Variants in LGR6 observed in about 807,000 individuals in gnomAD.
LGR6 encodes the protein leucine-rich repeat-containing G protein-coupled receptor 6.
In LGR6, 45 loss-of-function variants were observed where a neutral mutation model predicts 69.4. The ratio of observed to expected loss-of-function variants is 0.65; its 90% confidence interval spans 0.51 to 0.83. LGR6 has a LOEUF of 0.83. LGR6 is among the 40% of genes least tolerant of loss of function. The pLI is 0.00. For synonymous variants in LGR6, 538 were observed against 555.0 expected, an observed-to-expected ratio of 0.97 and a Z score of 0.43; for missense variants, 1,108 against 1,246.7, an observed-to-expected ratio of 0.89 and a Z score of 1.68.
rs3221675 is a variant in LGR6, at chr1:202,214,990, G to GGTGTGTGTGTGT, written c.213-10413_213-10402dup. 4.3e-4 allele frequency among the ~76,000 whole-genome samples: 62 copies of GGTGTGTGTGTGT among 145,612 alleles called. 1 individual carries two copies. In the East Asian group the frequency reaches 5.4e-3, roughly 13 times the overall value. The stretch of plus-strand genomic sequence containing the variant: ...GGTAAATGGTGTTTGGGTGCACCTG[G>GGTGTGTGTGTGT]GTGTGTGTGTGTGTGTGTGTGTGTG... On this transcript the variant is annotated intron_variant, in intron 1 of 17. Coordinates refer to ENST00000367278, the MANE Select transcript of LGR6 (RefSeq NM_001017403.2).
At chr1:202,307,239 A>C (rs1263501122) in intron 13 of LGR6, 91 bp from the exon 14 acceptor site, 11 of 1,249,078 alleles carry the variant, frequency 8.8e-6, no homozygotes, top group Non-Finnish European at 1.1e-5. Flanking sequence ...GGGGCAGGTC[A>C]GATGGGGGTA....
intron 3 of LGR6, among the ~76,000 whole-genome samples, chr1:202,235,014 C>A (rs930045502): frequency 6.6e-6 from 1 of 152,218 alleles, no homozygotes; most frequent in Non-Finnish European, 1.5e-5. Flanking sequence ...GGGTTTTCCT[C>A]CTATGTCTTT....
At chr1:202,303,220 A>G (rs1034971538) in intron 9 of LGR6, 59 bp from the exon 10 acceptor site, 1 of 1,232,344 alleles carries the variant, frequency 8.1e-7, no homozygotes, top group African/African-American at 1.5e-5. Flanking sequence ...GAGAATTGAG[A>G]GTCTTGATGT....
chr1:202,306,359 G>C lies in LGR6; in HGVS notation c.1137-509G>C, dbSNP rs1441074358. Among the ~76,000 whole-genome samples, 4 of 152,186 alleles carry C rather than the reference G, an allele frequency of 2.6e-5. No individual in the cohort carries two copies. The East Asian group carries it at 7.7e-4, about 29-fold the overall frequency. On this transcript the variant is annotated intron_variant, in intron 12 of 17. Coordinates refer to ENST00000367278, the MANE Select transcript of LGR6 (RefSeq NM_001017403.2). ...GTGTCTGTACCCTGCTTCTAGGCAGGACCATGCATTTTGGGGCTGGGGCAG... is the reference window on the plus strand; with the variant it reads ...GTGTCTGTACCCTGCTTCTAGGCAGCACCATGCATTTTGGGGCTGGGGCAG...
At chr1:202,196,683 C>A (rs1658653071) in intron 1 of LGR6, among the ~76,000 whole-genome samples, 1 of 152,186 alleles carries the variant, frequency 6.6e-6, no homozygotes, top group Non-Finnish European at 1.5e-5. Context: ...GTGCCTGACA[C>A]CCGAGGGTAA....
chr1:202,281,368 T>G (rs1011221743), intron 6 of LGR6, among the ~76,000 whole-genome samples: 3 of 152,152 alleles, frequency 2.0e-5, no homozygotes, highest in African/African-American at 4.8e-5. Flanking sequence ...CATTGAGCAC[T>G]CTAGCCTTAC....
At chr1:202,203,721 G>C in intron 1 of LGR6, 1 of 1,280,166 alleles carries the variant, frequency 7.8e-7, no homozygotes, top group South Asian at 1.2e-5. Flanking sequence ...CGTAGCAGGC[G>C]GGGCACAGAG....
At chr1:202,261,827 A>T (rs923896572) in intron 4 of LGR6, among the ~76,000 whole-genome samples, 26 of 152,348 alleles carry the variant, frequency 1.7e-4, no homozygotes, top group Middle Eastern at 3.4e-3. Flanking sequence ...CATTTCTCTG[A>T]TGGCCAGTGA....
At chr1:202,276,154 G>C in intron 4 of LGR6, 152 bp from the exon 5 acceptor site, 1 of 619,006 alleles carries the variant, frequency 1.6e-6, no homozygotes, top group East Asian at 2.7e-5. Flanking sequence ...AACTCGAAGA[G>C]GCGGGATACA....
chr1:202,308,914 T>C, intron 14 of LGR6, 137 bp from the exon 15 acceptor site: 2 of 1,032,870 alleles, frequency 1.9e-6, no homozygotes, highest in Non-Finnish European at 1.4e-6. Context: ...TTCAATGCTC[T>C]CTTCTAAGCT....
chr1:202,194,096 C>T lies in LGR6; in HGVS notation c.107C>T (p.Pro36Leu), dbSNP rs772335116. 44 of 1,535,712 alleles carry T rather than the reference C, an allele frequency of 2.9e-5. No individual in the cohort carries two copies. Among genetic ancestry groups the T allele is most frequent in the Admixed American group, 1.9e-5 (1 of 51,798 alleles). Residue 36 changes from proline (P) to leucine (L), a missense_variant, in exon 1 of 18, where the codon CCG (proline) becomes CTG (leucine). Coordinates refer to ENST00000367278, the MANE Select transcript of LGR6 (RefSeq NM_001017403.2). ...CCCGGCCCGGGGCCCACCGCCTGCC[C>T]GGCCCCCTGCCACTGCCAGGAGGAC... ...PQPGPGPTACPAPCHCQEDGI... is the reference protein window; with the variant it reads ...PQPGPGPTACLAPCHCQEDGI...
At chr1:202,213,769 G>C (rs1659572374) in intron 1 of LGR6, among the ~76,000 whole-genome samples, 1 of 152,190 alleles carries the variant, frequency 6.6e-6, no homozygotes, top group African/African-American at 2.4e-5. Context: ...GAGGCACAGA[G>C]AGGAAAGGAA....
At chr1:202,196,394 C>T (rs544743512) in intron 1 of LGR6, among the ~76,000 whole-genome samples, 4 of 152,276 alleles carry the variant, frequency 2.6e-5, no homozygotes, top group African/African-American at 9.6e-5. Context: ...AGTCTTGGGG[C>T]TCCTTTCTCT....
rs1299464957 is a variant in LGR6 at position 202,246,944 on chromosome 1, G to A, written c.428+10951G>A. ...AGGGAATTGATCAGTTGGTAAAATG[G>A]TTCATCTGCATACAAAGTTCATGCA... On this transcript the variant is annotated intron_variant, in intron 4 of 17. Transcript: ENST00000367278. Among the ~76,000 whole-genome samples the A allele has an allele frequency of 2.0e-5, 3 of 152,174 alleles. No individual in the cohort carries two copies. The East Asian group carries it at 5.8e-4, about 29-fold the overall frequency.
At chr1:202,238,739 T>A (rs1231048355) in intron 4 of LGR6, among the ~76,000 whole-genome samples, 2 of 151,290 alleles carry the variant, frequency 1.3e-5, no homozygotes, top group African/African-American at 2.4e-5. Flanking sequence ...TTTTTTTTTT[T>A]AAACAAAATT....
At chr1:202,245,911 C>T (rs912929399) in intron 4 of LGR6, among the ~76,000 whole-genome samples, 1 of 152,036 alleles carries the variant, frequency 6.6e-6, no homozygotes, top group Non-Finnish European at 1.5e-5. Context: ...TCCATCCATC[C>T]ATTCATCCTT....
intron 6 of LGR6, 102 bp from the exon 7 acceptor site, chr1:202,297,406 C>T (rs1020643705): frequency 4.6e-6 from 4 of 877,908 alleles, no homozygotes; most frequent in Middle Eastern, 2.3e-4. Flanking sequence ...ATTGGAAAAC[C>T]CATCTCCCTG....
At chr1:202,225,261 A>G (rs922782174) in intron 1 of LGR6, 162 bp from the exon 2 acceptor site, 3 of 649,472 alleles carry the variant, frequency 4.6e-6, no homozygotes, top group Non-Finnish European at 8.4e-6. Context: ...GCTCTTAGAG[A>G]GAACGCAGCT....
At chr1:202,234,162 T>G (rs1418644496) in intron 3 of LGR6, among the ~76,000 whole-genome samples, 1 of 152,254 alleles carries the variant, frequency 6.6e-6, no homozygotes, top group East Asian at 1.9e-4. Context: ...GCCCTCCAGC[T>G]GCTCACAGCC....
Sources: gnomAD v4.1 joint callset for allele counts (sites outside exome capture counted in the v4.1 genomes callset) on GRCh38, gnomAD v4.1.1 for gene constraint, MANE v1.5 for transcripts, NCBI Gene and HGNC (gene_info 2026-07-23, HGNC 2026-07-21) for gene names.